The following USP24 variants were observed in gnomAD, a reference collection of about 807,000 sequenced individuals.
USP24 encodes the protein ubiquitin carboxyl-terminal hydrolase 24.
In USP24, 97 loss-of-function variants were observed where a neutral mutation model predicts 361.6. That is an observed-to-expected ratio of 0.27 (90% confidence interval 0.23 to 0.32). The LOEUF is 0.32. Ranked by LOEUF, USP24 falls within the 10% of genes least tolerant of loss-of-function variation. USP24 has a pLI of 1.00. For synonymous variants in USP24, 1,098 were observed against 1,124.6 expected (o/e 0.98, Z 0.47); for missense variants, 2,353 against 3,165.6 (o/e 0.74, Z 6.16).
intron 1 of USP24, among the ~76,000 whole-genome samples, chr1:55,212,101 T>G (rs1354606991): frequency 6.6e-6 from 1 of 152,214 alleles, no homozygotes; most frequent in Admixed American, 6.5e-5. Context: ...TAACTGACTC[T>G]GTGGGGACAA....
rs112341271 is a variant in USP24, at chr1:55,119,070, G to C, written c.4508+1526C>G. Among the ~76,000 whole-genome samples, 378 of 152,270 alleles carry C rather than the reference G, an allele frequency of 2.5e-3. 1 individual carries two copies. Among genetic ancestry groups the C allele is most frequent in the African/African-American group, 8.4e-3 (348 of 41,546 alleles). ...AATGATCTAGCAATTCCACTTCTGG[G>C]TATACACCCTAAAGAACTGAAAACA... On this transcript the variant is annotated intron_variant, in intron 38 of 67. Coordinates refer to ENST00000294383, the MANE Select transcript of USP24 (RefSeq NM_015306.3).
chr1:55,192,632 C>A (rs1644319130), intron 1 of USP24, among the ~76,000 whole-genome samples: 1 of 152,162 alleles, frequency 6.6e-6, no homozygotes, highest in Non-Finnish European at 1.5e-5. Flanking sequence ...ATTTATAATA[C>A]CTTTCATTAA....
In USP24 at chr1:55,074,107, T is replaced by A. The variant is rs1570335337; in HGVS notation, c.7448-201A>T. On this transcript the variant is annotated intron_variant, in intron 63 of 67. Transcript: ENST00000294383. Reference sequence around the variant, plus strand: ...GTGGAAACACTACTTTAAGTATGTTTAAAAAAAAAAAAAAAAAAAAACCAC... The same window carrying A: ...GTGGAAACACTACTTTAAGTATGTTAAAAAAAAAAAAAAAAAAAAAACCAC... Among the ~76,000 whole-genome samples the A allele has an allele frequency of 1.6e-5, 2 of 123,478 alleles. No individual in the cohort carries two copies. The highest frequency in any genetic ancestry group is 3.4e-5 in the Non-Finnish European group (2 of 59,198). The allele number at this position is 123,478 out of a possible 152,430, so 81.0% of individuals were successfully genotyped here.
chr1:55,107,888 T>G (rs935292942), intron 39 of USP24, among the ~76,000 whole-genome samples: 1 of 121,592 alleles, frequency 8.2e-6, no homozygotes, highest in African/African-American at 2.9e-5. Flanking sequence ...CCCACAAAAC[T>G]GTCATTAACA....
chr1:55,071,300 A>G, intron 67 of USP24: 1 of 991,094 alleles, frequency 1.0e-6, no homozygotes, highest in Non-Finnish European at 1.2e-6. Context: ...TGTTCAATAC[A>G]TATTTATTTT....
At chr1:55,097,262 T>C in intron 48 of USP24, 90 bp from the exon 49 acceptor site, 1 of 1,408,276 alleles carries the variant, frequency 7.1e-7, no homozygotes, top group Non-Finnish European at 9.7e-7. Context: ...GAGGAAGTGT[T>C]TTCCTAGTTT....
In USP24 at chr1:55,120,655, G is replaced by C; in HGVS notation, c.4449C>G (p.Ile1483Met). Residue 1483 changes from isoleucine (I) to methionine (M), a missense_variant, in exon 38 of 68, where the codon ATC (isoleucine) becomes ATG (methionine). Ile to Met is a conservative substitution (Grantham distance 10, BLOSUM62 1). Coordinates refer to ENST00000294383, the MANE Select transcript of USP24 (RefSeq NM_015306.3). ...QKPNQFLLGVILTAQLPLWSP... is the reference protein window; with the variant it reads ...QKPNQFLLGVMLTAQLPLWSP... ...ACCAGAGAGGCAGCTGAGCCGTGAGGATTACGCCTAGAAGAAACTGATTTG... is the reference window on the plus strand; with the variant it reads ...ACCAGAGAGGCAGCTGAGCCGTGAGCATTACGCCTAGAAGAAACTGATTTG... 6.4e-7 allele frequency: 1 copy of C among 1,561,498 alleles called. No homozygotes were observed. The highest frequency in any genetic ancestry group is 2.4e-5 in the East Asian group (1 of 42,242).
chr1:55,208,108 A>G (rs1351781235), intron 1 of USP24, among the ~76,000 whole-genome samples: 1 of 152,194 alleles, frequency 6.6e-6, no homozygotes, highest in Non-Finnish European at 1.5e-5. Context: ...GAAAACATCA[A>G]ATCTACGGCT....
intron 1 of USP24, among the ~76,000 whole-genome samples, chr1:55,204,427 G>A (rs567226102): frequency 6.7e-6 from 1 of 149,418 alleles, no homozygotes; most frequent in South Asian, 2.1e-4. Flanking sequence ...ACATCTAACA[G>A]GCAAAAAAAT....
rs1330171695 is a variant in USP24 at position 55,095,120 on chromosome 1, T to C, written c.6203+135A>G. ...TAACCATGAAGCAATAAGGGATTTA[T>C]TTTCTTTTTGGAATTCTTTTTAGAA... On this transcript the variant is annotated intron_variant, in intron 51 of 67. Transcript: ENST00000294383. 11 of 1,128,572 alleles carry C rather than the reference T, an allele frequency of 9.7e-6. No individual in the cohort carries two copies. The East Asian group carries it at 1.4e-4, about 14-fold the overall frequency. 69.9% of individuals were successfully genotyped at this position (1,128,572 alleles called of 1,614,324 possible). A position where few individuals can be genotyped will look rare whatever the true frequency, so the allele number is the denominator to read the frequency against.
chr1:55,096,419 A>C (rs1645497424), intron 50 of USP24, 79 bp downstream of exon 50: 6 of 1,167,640 alleles, frequency 5.1e-6, no homozygotes. Flanking sequence ...TTGTGTTTTT[A>C]TATAAAGAAT....
chr1:55,190,211 C>T (rs1644250933), intron 1 of USP24, among the ~76,000 whole-genome samples: 1 of 146,398 alleles, frequency 6.8e-6, no homozygotes, highest in African/African-American at 2.5e-5. Context: ...TTATTTAAGA[C>T]TTGACAGGCG....
chr1:55,148,349 A>AG, intron 17 of USP24, 114 bp downstream of exon 17: 5 of 656,986 alleles, frequency 7.6e-6, no homozygotes, highest in Non-Finnish European at 9.7e-6. Flanking sequence ...ATATAAGTGA[A>AG]TTACATCAAT....
chr1:55,210,611 G>C (rs1644825412), intron 1 of USP24, among the ~76,000 whole-genome samples: 1 of 152,094 alleles, frequency 6.6e-6, no homozygotes, highest in African/African-American at 2.4e-5. Context: ...AGGGGAACAA[G>C]AGAAATAGGA....
At chr1:55,122,402 C>G (rs1646308115) in intron 36 of USP24, among the ~76,000 whole-genome samples, 1 of 152,142 alleles carries the variant, frequency 6.6e-6, no homozygotes, top group Non-Finnish European at 1.5e-5. Flanking sequence ...ACAGGAGTAT[C>G]AAGTGGTACA....
At chr1:55,142,640 C>A (rs1260298441) in intron 23 of USP24, 102 bp downstream of exon 23, 6 of 845,000 alleles carry the variant, frequency 7.1e-6, no homozygotes, top group East Asian at 5.6e-5. Flanking sequence ...TCAATAGGAT[C>A]CAGCCACAAA....
chr1:55,195,007 T>C (rs571616451), intron 1 of USP24, among the ~76,000 whole-genome samples: 1 of 57,698 alleles, frequency 1.7e-5, no homozygotes, highest in Non-Finnish European at 3.8e-5. Flanking sequence ...AGAATGATCT[T>C]CCTTAAAACA....
chr1:55,210,723 A>C (rs1429904137), intron 1 of USP24, among the ~76,000 whole-genome samples: 1 of 152,226 alleles, frequency 6.6e-6, no homozygotes, highest in Non-Finnish European at 1.5e-5. Context: ...ACTTAAAAAA[A>C]CAAAAAAGCA....
chr1:55,127,418 G>T (rs375495982), intron 32 of USP24, among the ~76,000 whole-genome samples: 2 of 152,146 alleles, frequency 1.3e-5, no homozygotes, highest in African/African-American at 2.4e-5. Flanking sequence ...TATGGCTGCA[G>T]AGTATTCCAT....
Sources: gnomAD v4.1 joint callset for allele counts (sites outside exome capture counted in the v4.1 genomes callset) on GRCh38, gnomAD v4.1.1 for gene constraint, MANE v1.5 for transcripts, NCBI Gene and HGNC (gene_info 2026-07-23, HGNC 2026-07-21) for gene names.